Variants in ATXN10 observed in about 807,000 individuals in gnomAD.
ATXN10 encodes the protein ataxin-10.
ATXN10 carries 28 observed loss-of-function variants against 52.9 expected under a neutral mutation model. The ratio of observed to expected loss-of-function variants is 0.53; its 90% confidence interval spans 0.39 to 0.73. ATXN10 has a LOEUF of 0.73. ATXN10 is among the 30% of genes least tolerant of loss of function. ATXN10 has a pLI of 0.00. For missense variants in ATXN10, 565 were observed against 577.0 expected (o/e 0.98, Z 0.21); for synonymous variants, 226 against 221.5 (o/e 1.02, Z -0.18).
chr22:45,748,751 A>C (rs932117810), intron 9 of ATXN10, among the ~76,000 whole-genome samples: 3 of 152,196 alleles, frequency 2.0e-5, no homozygotes. Context: ...GCTTGCTTAG[A>C]ATTCCACTTC....
chr22:45,841,243 A>G lies in ATXN10; in HGVS notation c.1238-1748A>G, dbSNP rs1929336987. Among the ~76,000 whole-genome samples, 1 of 152,282 alleles carries G rather than the reference A, an allele frequency of 6.6e-6. No individual in the cohort carries two copies. Among genetic ancestry groups the G allele is most frequent in the Non-Finnish European group, 1.5e-5 (1 of 68,044 alleles). ...GAGAGAATGACAGATAAATGACACA[A>G]TAAGAACTTTTTCCCCACCATAGAC... On this transcript the variant is annotated intron_variant, in intron 10 of 11. Coordinates refer to ENST00000252934, the MANE Select transcript of ATXN10 (RefSeq NM_013236.4). This position sits in a 1 kb window ranked among gnomAD's most constrained non-coding sequence, Gnocchi z 5.1.
chr22:45,712,396 T>G lies in ATXN10; in HGVS notation c.648-6017T>G, dbSNP rs1176061096. 1.3e-5 allele frequency among the ~76,000 whole-genome samples: 2 copies of G among 152,242 alleles called. No individual in the cohort carries two copies. Among genetic ancestry groups the G allele is most frequent in the East Asian group, 3.8e-4 (2 of 5,200 alleles). ...TTTTGCTTCAGGAGGGAAACATAGT[T>G]TAATTTCTTTGATTTTTGTTGGAGT... On this transcript the variant is annotated intron_variant, in intron 5 of 11. Coordinates refer to ENST00000252934, the MANE Select transcript of ATXN10 (RefSeq NM_013236.4). This position sits in a 1 kb window ranked among gnomAD's most constrained non-coding sequence, Gnocchi z 4.6.
intron 3 of ATXN10, among the ~76,000 whole-genome samples, chr22:45,699,058 A>G (rs952160607): frequency 3.3e-5 from 5 of 152,180 alleles, no homozygotes; most frequent in African/African-American, 1.2e-4. Context: ...TTGCAGTGGT[A>G]TGACGAATAT....
chr22:45,768,381 G>A (rs966238205), intron 9 of ATXN10, among the ~76,000 whole-genome samples: 6 of 151,432 alleles, frequency 4.0e-5, no homozygotes, highest in Non-Finnish European at 7.4e-5. Flanking sequence ...GATGGTTTGA[G>A]GATGAAAAAA....
rs947415152 is a variant in ATXN10, at chr22:45,842,357, G to T, written c.1238-634G>T. Among the ~76,000 whole-genome samples, 4 of 152,276 alleles carry T rather than the reference G, an allele frequency of 2.6e-5. No individual in the cohort carries two copies. Among genetic ancestry groups the T allele is most frequent in the African/African-American group, 9.6e-5 (4 of 41,548 alleles). On this transcript the variant is annotated intron_variant, in intron 10 of 11. Coordinates refer to ENST00000252934, the MANE Select transcript of ATXN10 (RefSeq NM_013236.4). The surrounding 1 kb of genome is among the most constrained non-coding windows in gnomAD (Gnocchi z 4.8). ...CGGAACGTGCCAGGTGAACACTTGGGCACAGTGAGCCCCGATGCTTTCAGG... is the reference window on the plus strand; with the variant it reads ...CGGAACGTGCCAGGTGAACACTTGGTCACAGTGAGCCCCGATGCTTTCAGG...
At chr22:45,731,331 G>C (rs1925082002) in intron 7 of ATXN10, among the ~76,000 whole-genome samples, 1 of 152,190 alleles carries the variant, frequency 6.6e-6, no homozygotes, top group South Asian at 2.1e-4. Flanking sequence ...CCTGGGTCTG[G>C]AAATGAATGA....
At chr22:45,689,500 G>GAT (rs1215533409) in intron 1 of ATXN10, 1 of 592,566 alleles carries the variant, frequency 1.7e-6, no homozygotes. Context: ...CAGAGACTGA[G>GAT]ATAATACATG....
intron 9 of ATXN10, among the ~76,000 whole-genome samples, chr22:45,756,009 C>A (rs1247569390): frequency 6.6e-6 from 1 of 151,966 alleles, no homozygotes; most frequent in Non-Finnish European, 1.5e-5. Context: ...CCACCCACCT[C>A]CTCCTTCTGC....
At position 45,770,873 on chromosome 22, in the gene ATXN10, G is replaced by A. The variant is rs1275078083; in HGVS notation, c.1173+30335G>A. ...CCCAAATTCCCTCCCTGATCCCTGA[G>A]TAGCTTTTCAGGAAGTGCTCACTTG... is the stretch of plus-strand genomic sequence containing the variant. On this transcript the variant is annotated intron_variant, in intron 9 of 11. Coordinates refer to ENST00000252934, the MANE Select transcript of ATXN10 (RefSeq NM_013236.4). The surrounding 1 kb of genome is among the most constrained non-coding windows in gnomAD (Gnocchi z 4.5). Among the ~76,000 whole-genome samples the A allele has an allele frequency of 6.6e-6, 1 of 152,190 alleles. No homozygotes were observed.
At chr22:45,729,370 G>T (rs1043333507) in intron 6 of ATXN10, 55 bp from the exon 7 acceptor site, 2 of 1,571,928 alleles carry the variant, frequency 1.3e-6, no homozygotes, top group African/African-American at 1.4e-5. Flanking sequence ...GGTATTTTTA[G>T]CATTGTATAA....
intron 10 of ATXN10, among the ~76,000 whole-genome samples, chr22:45,821,863 T>G (rs1928660577): frequency 6.6e-6 from 1 of 152,186 alleles, no homozygotes; most frequent in African/African-American, 2.4e-5. Context: ...AGCCAATATA[T>G]ATGTATACAC....
chr22:45,720,114 T>C (rs1288059262), intron 6 of ATXN10, among the ~76,000 whole-genome samples: 1 of 152,222 alleles, frequency 6.6e-6, no homozygotes, highest in Non-Finnish European at 1.5e-5. Flanking sequence ...CTCAAGGTTA[T>C]ACTCAGCTTC....
At chr22:45,685,588 C>G (rs1923105339) in intron 1 of ATXN10, among the ~76,000 whole-genome samples, 1 of 152,122 alleles carries the variant, frequency 6.6e-6, no homozygotes, top group African/African-American at 2.4e-5. Flanking sequence ...GCTGCATTGT[C>G]TTGACAGTGA....
In ATXN10 at chr22:45,729,453, A is replaced by C; in HGVS notation, c.757A>C (p.Lys253Gln). The C allele has an allele frequency of 6.2e-7, 1 of 1,614,190 alleles. No homozygotes were observed. The highest frequency in any genetic ancestry group is 8.5e-7 in the Non-Finnish European group (1 of 1,180,030). The change falls in exon 7 of 12, where the codon AAG (lysine) becomes CAG (glutamine). Residue 253 changes from lysine (K) to glutamine (Q), a missense_variant. Coordinates refer to ENST00000252934, the MANE Select transcript of ATXN10 (RefSeq NM_013236.4). ...TACACTGTTAGACCTTATGATAGCC[A>C]AGATAACGAGTGATGAGCCACTCAC... ...RVTLLDLMIAKITSDEPLTKD... is the reference protein window; with the variant it reads ...RVTLLDLMIAQITSDEPLTKD...
Position 45,844,063 on chromosome 22 carries a change from A to C in ATXN10, c.*392A>C. 1 of 199,612 alleles carries C rather than the reference A, an allele frequency of 5.0e-6. No individual in the cohort carries two copies. The highest frequency in any genetic ancestry group is 1.0e-5 in the Non-Finnish European group (1 of 98,192). 12.4% of individuals were successfully genotyped at this position (199,612 alleles called of 1,614,324 possible). A position where few individuals can be genotyped will look rare whatever the true frequency, so the allele number is the denominator to read the frequency against. On this transcript the variant is annotated 3_prime_UTR_variant, in exon 12 of 12. Transcript: ENST00000252934. ...CATCATTCTTTATATTCCTCTTCTC[A>C]TTGGGTTTTCTGAACTCTGGCAGGC... is the stretch of plus-strand genomic sequence containing the variant.
chr22:45,695,079 C>G (rs773384784), intron 3 of ATXN10, among the ~76,000 whole-genome samples: 20 of 151,716 alleles, frequency 1.3e-4, no homozygotes, highest in South Asian at 4.2e-4. Context: ...GCCTGTAATC[C>G]CAGCACTTTG....
At chr22:45,782,940 C>T (rs377074049) in intron 9 of ATXN10, among the ~76,000 whole-genome samples, 4 of 151,788 alleles carry the variant, frequency 2.6e-5, no homozygotes, top group Non-Finnish European at 4.4e-5. Context: ...AGATTAACAA[C>T]GATAACTAAT....
At position 45,770,392 on chromosome 22, in the gene ATXN10, AAG is replaced by A. The variant is rs770523559; in HGVS notation, c.1173+29857_1173+29858del. Among the ~76,000 whole-genome samples the A allele has an allele frequency of 1.5e-4, 23 of 152,314 alleles. No homozygotes were observed. The highest frequency in any genetic ancestry group is 3.9e-4 in the Admixed American group (6 of 15,302). On this transcript the variant is annotated intron_variant, in intron 9 of 11. Coordinates refer to ENST00000252934, the MANE Select transcript of ATXN10 (RefSeq NM_013236.4). This position sits in a 1 kb window ranked among gnomAD's most constrained non-coding sequence, Gnocchi z 4.5. ...GCTGGTTGGGACAGGTGATGTGAAA[AAG>A]AGGGGGGTATGTGATGAATATACAC...
chr22:45,719,300 A>G (rs959865028), intron 6 of ATXN10, among the ~76,000 whole-genome samples: 2 of 151,962 alleles, frequency 1.3e-5, no homozygotes, highest in Non-Finnish European at 2.9e-5. Flanking sequence ...GTGGTTTTGG[A>G]CTTTTTACTT....
Sources: gnomAD v4.1 joint callset for allele counts (sites outside exome capture counted in the v4.1 genomes callset) on GRCh38, gnomAD v4.1.1 for gene constraint, Gnocchi (gnomAD v3.1) non-coding constraint, MANE v1.5 for transcripts, NCBI Gene and HGNC (gene_info 2026-07-23, HGNC 2026-07-21) for gene names.